SLC30A8: variants seen among roughly 807,000 people sequenced by gnomAD.
SLC30A8 encodes proton-coupled zinc antiporter SLC30A8.
SLC30A8 carries 27 observed loss-of-function variants against 36.9 expected under a neutral mutation model. That is an observed-to-expected ratio of 0.73 (90% CI 0.54 to 1.01). The LOEUF (loss-of-function observed/expected upper bound fraction) is 1.01. SLC30A8 is among the 50% of genes least tolerant of loss of function. The pLI is 0.00. For missense variants in SLC30A8, 439 were observed against 452.0 expected, an observed-to-expected ratio of 0.97 and a Z score of 0.26; for synonymous variants, 164 against 172.4, an observed-to-expected ratio of 0.95 and a Z score of 0.38.
intron 1 of SLC30A8, among the ~76,000 whole-genome samples, chr8:116,969,503 C>G (rs568428993): frequency 6.6e-6 from 1 of 152,280 alleles, no homozygotes; most frequent in Admixed American, 6.5e-5. Context: ...ATGTATTTAT[C>G]TATATGTACA....
chr8:117,073,088 G>A (rs1269643752), intron 2 of SLC30A8, among the ~76,000 whole-genome samples: 5 of 151,930 alleles, frequency 3.3e-5, no homozygotes, highest in Non-Finnish European at 7.4e-5. Flanking sequence ...GGATCATTTT[G>A]CTGCATTTCC....
Position 117,135,314 on chromosome 8 carries a change from T to C in SLC30A8, c.-14T>C. The C allele has an allele frequency of 6.3e-7, 1 of 1,586,674 alleles. No individual in the cohort carries two copies. The highest frequency in any genetic ancestry group is 8.6e-7 in the Non-Finnish European group (1 of 1,163,196). The stretch of plus-strand genomic sequence containing the variant: ...CAACAACGACAACAACAGCCGCAGC[T>C]CATCCTGGCCGTCATGGAGTTTCTT... On this transcript the variant is annotated 5_prime_UTR_variant, in exon 1 of 8. Transcript: ENST00000456015.
chr8:117,136,861 T>C (rs1013755702), intron 1 of SLC30A8, among the ~76,000 whole-genome samples: 1 of 152,028 alleles, frequency 6.6e-6, no homozygotes, highest in Non-Finnish European at 1.5e-5. Context: ...TAAATAGGTA[T>C]GGTTTTCAGG....
chr8:117,110,764 A>G (rs1396193651), intron 2 of SLC30A8, among the ~76,000 whole-genome samples: 2 of 152,222 alleles, frequency 1.3e-5, no homozygotes, highest in African/African-American at 4.8e-5. Flanking sequence ...TGCTTGATTT[A>G]TAAGGAATAA....
At chr8:116,980,893 T>G (rs908860453) in intron 1 of SLC30A8, among the ~76,000 whole-genome samples, 5 of 152,208 alleles carry the variant, frequency 3.3e-5, no homozygotes, top group Non-Finnish European at 5.9e-5. Context: ...TGCCATAGGA[T>G]TTCACTATGA....
chr8:117,141,874 C>T (rs868861006), intron 1 of SLC30A8, among the ~76,000 whole-genome samples: 1 of 152,158 alleles, frequency 6.6e-6, no homozygotes, highest in East Asian at 1.9e-4. Flanking sequence ...TCCAGTTACA[C>T]TTTGAAGTGG....
intron 2 of SLC30A8, among the ~76,000 whole-genome samples, chr8:117,044,583 A>G (rs950539873): frequency 4.6e-5 from 7 of 152,190 alleles, no homozygotes; most frequent in Non-Finnish European, 8.8e-5. Context: ...GAGCACAAGC[A>G]TTGCTTCTAG....
rs533171758 is a variant in SLC30A8, at chr8:117,142,120, C to T, written c.72-4834C>T. ...CAGCCCCATCTTGGGAATTGGCATG[C>T]CCTTCTCCAGGTTACTCTAACCAGA... On this transcript the variant is annotated intron_variant, in intron 1 of 7. Coordinates refer to ENST00000456015, the MANE Select transcript of SLC30A8 (RefSeq NM_173851.3). Among the ~76,000 whole-genome samples the T allele has an allele frequency of 1.8e-3, 268 of 152,236 alleles. 3 individuals are homozygous for T. Among genetic ancestry groups the T allele is most frequent in the Non-Finnish European group, 1.4e-3 (98 of 68,008 alleles).
At chr8:117,115,055 T>G (rs1820387997) in intron 2 of SLC30A8, among the ~76,000 whole-genome samples, 1 of 152,010 alleles carries the variant, frequency 6.6e-6, no homozygotes, top group African/African-American at 2.4e-5. Context: ...ACTACAGGCT[T>G]GTGCCCCCAT....
intron 3 of SLC30A8, among the ~76,000 whole-genome samples, 190 bp from the exon 4 acceptor site, chr8:117,157,501 A>T (rs192556018): frequency 9.8e-5 from 15 of 152,348 alleles, no homozygotes; most frequent in Non-Finnish European, 1.6e-4. Flanking sequence ...CTGGTGTTTT[A>T]TGAATGCAAC....
At chr8:117,030,343 C>T (rs1232086386) in intron 1 of SLC30A8, among the ~76,000 whole-genome samples, 1 of 151,898 alleles carries the variant, frequency 6.6e-6, no homozygotes, top group Admixed American at 6.6e-5. Flanking sequence ...TTTCTGCTCT[C>T]TTAACTAATT....
At chr8:117,165,917 G>C (rs1823032705) in intron 6 of SLC30A8, among the ~76,000 whole-genome samples, 1 of 152,120 alleles carries the variant, frequency 6.6e-6, no homozygotes, top group Non-Finnish European at 1.5e-5. Flanking sequence ...TCATATGTGG[G>C]AGCTAAAAAC....
rs542304958 is a variant in SLC30A8 at position 117,122,739 on chromosome 8, A to C, written c.-225-12541A>C. ...GTTTTAGTGAAGACCTCCCTTATTG[A>C]AGTCTAAGTCTCTTTTCTGGCAAGG... On this transcript the variant is annotated intron_variant, in intron 2 of 10. Coordinates refer to the SLC30A8 transcript ENST00000427715. 2.0e-5 allele frequency among the ~76,000 whole-genome samples: 3 copies of C among 152,028 alleles called. No homozygotes were observed. The South Asian group carries it at 6.2e-4, about 32-fold the overall frequency.
chr8:117,120,264 C>T (rs926857589), intron 2 of SLC30A8, among the ~76,000 whole-genome samples: 1 of 151,848 alleles, frequency 6.6e-6, no homozygotes, highest in Non-Finnish European at 1.5e-5. Context: ...TACATAAAGA[C>T]AGATATACAG....
intron 1 of SLC30A8, among the ~76,000 whole-genome samples, chr8:116,987,031 A>G (rs1263124550): frequency 6.6e-6 from 1 of 152,132 alleles, no homozygotes; most frequent in Non-Finnish European, 1.5e-5. Flanking sequence ...TAAAGACACA[A>G]TATGATAGCG....
At chr8:117,038,174 C>T (rs1315791682) in intron 1 of SLC30A8, among the ~76,000 whole-genome samples, 1 of 152,158 alleles carries the variant, frequency 6.6e-6, no homozygotes, top group East Asian at 1.9e-4. Context: ...TCGGTAAAAG[C>T]AATGCAAATG....
chr8:117,026,153 G>A (rs1816864518), intron 1 of SLC30A8, among the ~76,000 whole-genome samples: 1 of 152,184 alleles, frequency 6.6e-6, no homozygotes, highest in Non-Finnish European at 1.5e-5. Context: ...TCCCCTGGCT[G>A]ACTTTGGTGT....
At chr8:117,147,202 GCAT>G (rs751628481) in intron 2 of SLC30A8, 49 bp downstream of exon 2, 4 of 1,530,028 alleles carry the variant, frequency 2.6e-6, no homozygotes, top group Non-Finnish European at 3.6e-6. Flanking sequence ...ACAAAACTCT[GCAT>G]CATTATGGGA....
At chr8:117,107,592 G>T (rs1486544642) in intron 2 of SLC30A8, among the ~76,000 whole-genome samples, 1 of 152,108 alleles carries the variant, frequency 6.6e-6, no homozygotes, top group African/African-American at 2.4e-5. Context: ...TTTATTATTT[G>T]GGGCCAGACA....
Sources: gnomAD v4.1 joint callset for allele counts (sites outside exome capture counted in the v4.1 genomes callset) on GRCh38, gnomAD v4.1.1 for gene constraint, MANE v1.5 for transcripts, NCBI Gene and HGNC (gene_info 2026-07-23, HGNC 2026-07-21) for gene names.